The following PGBD2 variants were observed in gnomAD, a reference collection of about 807,000 sequenced individuals.
The protein encoded by PGBD2 is piggyBac transposable element-derived protein 2.
A neutral mutation model predicts 8.1 loss-of-function variants in PGBD2; 6 were observed. The ratio of observed to expected loss-of-function variants is 0.74; its 90% CI spans 0.40 to 1.46. The LOEUF is 1.46. Ranked by LOEUF, PGBD2 falls within the 40% of genes most tolerant of loss-of-function variation. The pLI is 0.02. For synonymous variants in PGBD2, 318 were observed against 272.2 expected, an observed-to-expected ratio of 1.17 and a Z score of -1.66; for missense variants, 802 against 739.0, an observed-to-expected ratio of 1.09 and a Z score of -0.99.
chr1:248,873,093 T>G, the PGBD2 span, among the ~76,000 whole-genome samples: 2 of 152,208 alleles, frequency 1.3e-5, no homozygotes, highest in African/African-American at 4.8e-5. Flanking sequence ...ACCGTTGTGT[T>G]CCCAGTGGAC....
chr1:248,884,387 C>G, the PGBD2 span, among the ~76,000 whole-genome samples: 1 of 151,880 alleles, frequency 6.6e-6, no homozygotes, highest in Non-Finnish European at 1.5e-5. Flanking sequence ...GTAGCCCAGG[C>G]TGGAGTGCAG....
chr1:248,906,260 A>G lies in PGBD2; in HGVS notation c.-130A>G, dbSNP rs1661628660. 6.6e-6 allele frequency: 1 copy of G among 151,674 alleles called. No homozygotes were observed. The highest frequency in any genetic ancestry group is 6.6e-5 in the Admixed American group (1 of 15,262). 9.4% of individuals were successfully genotyped at this position (151,674 alleles called of 1,614,324 possible). Reference sequence around the variant, plus strand: ...GGACGTTGCGCGGCCGCGACGCCCGACGCCAACGCAGGCGCAGCGCTCCGA... The same window carrying G: ...GGACGTTGCGCGGCCGCGACGCCCGGCGCCAACGCAGGCGCAGCGCTCCGA... On this transcript the variant is annotated 5_prime_UTR_variant, in exon 1 of 3. Transcript: ENST00000329291.
chr1:248,921,519 G>A (rs564370914), downstream of PGBD2, among the ~76,000 whole-genome samples: 2 of 152,194 alleles, frequency 1.3e-5, no homozygotes, highest in East Asian at 1.9e-4. Context: ...CCAGTACCAT[G>A]CTGTTTTGCT....
downstream of PGBD2, among the ~76,000 whole-genome samples, chr1:248,922,258 A>G (rs79118946): frequency 6.6e-6 from 1 of 151,954 alleles, no homozygotes; most frequent in African/African-American, 2.4e-5. Context: ...ACGGGGTTTC[A>G]CCGTGTTAGC....
chr1:248,906,790 C>G (rs1430509037), intron 1 of PGBD2, among the ~76,000 whole-genome samples: 1 of 152,082 alleles, frequency 6.6e-6, no homozygotes, highest in African/African-American at 2.4e-5. Context: ...TTTTTAACTG[C>G]GTCTGCCTGG....
At chr1:248,897,991 G>A in the PGBD2 span, among the ~76,000 whole-genome samples, 1 of 152,130 alleles carries the variant, frequency 6.6e-6, no homozygotes, top group African/African-American at 2.4e-5. Context: ...TTCTTTACAT[G>A]GGACCCCGAC....
chr1:248,897,127 A>G, the PGBD2 span, among the ~76,000 whole-genome samples: 4 of 152,078 alleles, frequency 2.6e-5, no homozygotes, highest in Non-Finnish European at 5.9e-5. Context: ...TATTTGCCCT[A>G]GCATGCTTAT....
downstream of PGBD2, among the ~76,000 whole-genome samples, chr1:248,924,212 C>T (rs942459788): frequency 1.2e-4 from 18 of 152,226 alleles, no homozygotes; most frequent in Non-Finnish European, 4.4e-5. Context: ...GGAGGTCATT[C>T]TGTGTGAAGT....
chr1:248,898,021 G>T, the PGBD2 span, among the ~76,000 whole-genome samples: 1 of 151,640 alleles, frequency 6.6e-6, no homozygotes, highest in Non-Finnish European at 1.5e-5. Context: ...CTCACTGGGT[G>T]GGGCCTCCCT....
In PGBD2 at chr1:248,917,769, G is replaced by T; in HGVS notation, c.1185G>T (p.Arg395Ser). 1 of 1,614,146 alleles carries T rather than the reference G, an allele frequency of 6.2e-7. No individual in the cohort carries two copies. Among genetic ancestry groups the T allele is most frequent in the East Asian group, 2.2e-5 (1 of 44,882 alleles). Reference sequence around the variant, plus strand: ...CCAAAGAACTGAAAAAAATGAAGAGGGGTTCATTTGATTACAAAGTCGATG... The same window carrying T: ...CCAAAGAACTGAAAAAAATGAAGAGTGGTTCATTTGATTACAAAGTCGATG... ...KDPKELKKMKRGSFDYKVDES... is the reference protein window; with the variant it reads ...KDPKELKKMKSGSFDYKVDES... The change falls in exon 3 of 3, where the codon AGG becomes AGT. Residue 395 changes from arginine to serine, a missense_variant. Transcript: ENST00000329291.
At chr1:248,891,863 A>G in the PGBD2 span, among the ~76,000 whole-genome samples, 2 of 152,246 alleles carry the variant, frequency 1.3e-5, no homozygotes, top group Non-Finnish European at 2.9e-5. Flanking sequence ...GAAAAGTCCA[A>G]TCTCTTGTAA....
chr1:248,876,817 G>A, the PGBD2 span, among the ~76,000 whole-genome samples: 68 of 152,224 alleles, frequency 4.5e-4, no homozygotes, highest in Non-Finnish European at 6.2e-4. Context: ...TGGGCACATT[G>A]GAAAAACAAC....
At chr1:248,910,197 G>A (rs1661816794) in intron 1 of PGBD2, among the ~76,000 whole-genome samples, 1 of 152,198 alleles carries the variant, frequency 6.6e-6, no homozygotes, top group Non-Finnish European at 1.5e-5. Context: ...CATAATTTCT[G>A]CAGCAAAATG....
chr1:248,876,801 T>C, the PGBD2 span, among the ~76,000 whole-genome samples: 1 of 152,232 alleles, frequency 6.6e-6, no homozygotes, highest in African/African-American at 2.4e-5. Context: ...CATTCTGAAT[T>C]TCCACTGGGC....
intron 2 of PGBD2, chr1:248,914,703 A>G (rs1220407086): frequency 2.2e-6 from 2 of 911,952 alleles, no homozygotes; most frequent in Non-Finnish European, 1.5e-6. Context: ...GTCCATTCTC[A>G]TAGCCAGGGT....
the PGBD2 span, among the ~76,000 whole-genome samples, chr1:248,877,687 TTAAA>T: frequency 6.6e-6 from 1 of 152,212 alleles, no homozygotes; most frequent in Non-Finnish European, 1.5e-5. Flanking sequence ...TCTCTGGAAT[TTAAA>T]TAATCCTTGG....
chr1:248,879,889 A>C, the PGBD2 span, among the ~76,000 whole-genome samples: 1 of 150,776 alleles, frequency 6.6e-6, no homozygotes, highest in African/African-American at 2.4e-5. Context: ...ATATATACAC[A>C]TATATATATT....
downstream of PGBD2, among the ~76,000 whole-genome samples, chr1:248,921,901 C>T (rs528280122): frequency 8.4e-4 from 127 of 152,056 alleles, 1 homozygote; most frequent in Middle Eastern, 3.4e-3. Context: ...GTAGCAATTG[C>T]GAATGGGAGT....
the PGBD2 span, among the ~76,000 whole-genome samples, chr1:248,888,412 T>C: frequency 2.6e-5 from 4 of 152,248 alleles, no homozygotes; most frequent in African/African-American, 9.6e-5. Flanking sequence ...GCATCTGTTA[T>C]ATTGTTACTT....
Sources: allele counts gnomAD v4.1 joint callset (sites outside exome capture counted in the v4.1 genomes callset), GRCh38; gene constraint gnomAD v4.1.1; transcripts MANE v1.5; gene names NCBI Gene and HGNC (gene_info 2026-07-23, HGNC 2026-07-21).